PDE3B: variants seen among roughly 807,000 people sequenced by gnomAD.
The protein encoded by PDE3B is cGMP-inhibited 3',5'-cyclic phosphodiesterase 3B.
A neutral mutation model predicts 116.8 loss-of-function variants in PDE3B; 66 were observed. The observed-to-expected ratio is 0.56, with a 90% CI of 0.46 to 0.69. The LOEUF (loss-of-function observed/expected upper bound fraction) is 0.69. Ranked by LOEUF, PDE3B falls within the 30% of genes least tolerant of loss-of-function variation. The pLI is 0.00. For missense variants in PDE3B, 1,384 were observed against 1,368.1 expected, an observed-to-expected ratio of 1.01 and a Z score of -0.18; for synonymous variants, 595 against 533.6, an observed-to-expected ratio of 1.12 and a Z score of -1.59.
chr11:14,801,161 A>G (rs927589671), intron 4 of PDE3B, among the ~76,000 whole-genome samples: 2 of 152,120 alleles, frequency 1.3e-5, no homozygotes, highest in Non-Finnish European at 2.9e-5. Context: ...CTGTCAGTTC[A>G]TCAAACTCAT....
intron 3 of PDE3B, 142 bp from the exon 4 acceptor site, chr11:14,788,964 A>G: frequency 1.9e-6 from 1 of 528,702 alleles, no homozygotes; most frequent in Non-Finnish European, 3.1e-6. Context: ...AAATTGACAG[A>G]TTTTCAGAAT....
intron 1 of PDE3B, among the ~76,000 whole-genome samples, chr11:14,647,874 T>C (rs1397911782): frequency 6.6e-6 from 1 of 151,906 alleles, no homozygotes; most frequent in Admixed American, 6.6e-5. Context: ...TAATTAGATT[T>C]ATAATATTTG....
intron 14 of PDE3B, among the ~76,000 whole-genome samples, chr11:14,864,012 A>G (rs1267477788): frequency 2.6e-5 from 4 of 152,224 alleles, no homozygotes; most frequent in Non-Finnish European, 5.9e-5. Context: ...CAGACTGGCA[A>G]ATTGGATAAA....
Position 14,742,562 on chromosome 11 carries a change from C to A in PDE3B, c.979-29375C>A, listed in dbSNP as rs568918131. 1.3e-4 allele frequency among the ~76,000 whole-genome samples: 20 copies of A among 152,154 alleles called. 1 individual carries two copies. The highest frequency in any genetic ancestry group is 3.4e-3 in the Middle Eastern group (1 of 294). On this transcript the variant is annotated intron_variant, in intron 1 of 15. Transcript: ENST00000282096. ...TTTAGCTCAGAATCGTTTGTTATTA[C>A]CCACCTTCTGAAGCCTACTTCTGTC...
At chr11:14,892,151 A>AGAGCGCGCCGCC in the PDE3B span, 1 of 1,611,136 alleles carries the variant, frequency 6.2e-7, no homozygotes, top group Non-Finnish European at 8.5e-7. Flanking sequence ...AGCAGCAGGA[A>AGAGCGCGCCGCC]GAGCGCGCCG....
chr11:14,644,481 C>G lies in PDE3B; in HGVS notation c.406C>G (p.Leu136Val), dbSNP rs373522381. The G allele has an allele frequency of 1.2e-5, 19 of 1,613,024 alleles. No homozygotes were observed. The African/African-American group carries it at 2.3e-4, about 19-fold the overall frequency. ...TGCCTTCTTCTTCCTCACCTGCTTCCTCACCCGGACCAAGCGGGGACCCGG... is the reference window on the plus strand; with the variant it reads ...TGCCTTCTTCTTCCTCACCTGCTTCGTCACCCGGACCAAGCGGGGACCCGG... ...ACAFFFLTCF[L>V]TRTKRGPGPG... Residue 136 changes from leucine (L) to valine (V), a missense_variant, in exon 1 of 16, where the codon CTC (leucine) becomes GTC (valine). Physicochemically the swap from Leu to Val is conservative, Grantham distance 32. Coordinates refer to ENST00000282096, the MANE Select transcript of PDE3B (RefSeq NM_000922.4).
At chr11:14,819,065 T>G (rs1859427953) in intron 6 of PDE3B, 71 bp from the exon 7 acceptor site, 1 of 882,546 alleles carries the variant, frequency 1.1e-6, no homozygotes, top group Non-Finnish European at 1.8e-6. Context: ...TTAAACAGAT[T>G]TTCTAATTGT....
At chr11:14,799,600 A>G (rs900515536) in intron 4 of PDE3B, among the ~76,000 whole-genome samples, 1 of 152,054 alleles carries the variant, frequency 6.6e-6, no homozygotes, top group African/African-American at 2.4e-5. Context: ...AACTTGCTTT[A>G]TGAATCTCGG....
chr11:14,865,493 GTTAC>G (rs1265180387), intron 14 of PDE3B, among the ~76,000 whole-genome samples: 1 of 152,044 alleles, frequency 6.6e-6, no homozygotes, highest in Non-Finnish European at 1.5e-5. Context: ...GGTATACTTT[GTTAC>G]TTCCAGATTG....
At position 14,730,882 on chromosome 11, in the gene PDE3B, A is replaced by C. The variant is rs140930221; in HGVS notation, c.979-41055A>C. 4.5e-3 allele frequency among the ~76,000 whole-genome samples: 688 copies of C among 152,328 alleles called. 3 individuals carry two copies. The highest frequency in any genetic ancestry group is 0.015 in the African/African-American group (612 of 41,572). ...TCATCATTTGGTATCTAACATTAGCAGTTATTCTCATTTTAGATATGATAA... is the reference window on the plus strand; with the variant it reads ...TCATCATTTGGTATCTAACATTAGCCGTTATTCTCATTTTAGATATGATAA... On this transcript the variant is annotated intron_variant, in intron 1 of 15. Coordinates refer to ENST00000282096, the MANE Select transcript of PDE3B (RefSeq NM_000922.4).
chr11:14,661,406 C>T (rs1313487986), intron 1 of PDE3B, among the ~76,000 whole-genome samples: 1 of 152,234 alleles, frequency 6.6e-6, no homozygotes, highest in African/African-American at 2.4e-5. Flanking sequence ...TTCTGCATTT[C>T]CATCTGAGGT....
intron 1 of PDE3B, among the ~76,000 whole-genome samples, chr11:14,750,659 A>G (rs1362073620): frequency 1.3e-5 from 2 of 152,080 alleles, no homozygotes; most frequent in Non-Finnish European, 2.9e-5. Context: ...ATTAAATTTT[A>G]TGCTTTTAAG....
intron 1 of PDE3B, among the ~76,000 whole-genome samples, chr11:14,667,194 A>G (rs960636903): frequency 3.3e-5 from 5 of 151,726 alleles, no homozygotes; most frequent in Non-Finnish European, 5.9e-5. Flanking sequence ...ACAAAAAACC[A>G]AACACCACAT....
At chr11:14,696,550 A>G (rs1855213606) in intron 1 of PDE3B, among the ~76,000 whole-genome samples, 1 of 152,030 alleles carries the variant, frequency 6.6e-6, no homozygotes, top group Non-Finnish European at 1.5e-5. Context: ...ATGATGCGCG[A>G]GTGCTTCTAT....
At chr11:14,690,324 T>C (rs567711007) in intron 1 of PDE3B, among the ~76,000 whole-genome samples, 1 of 152,354 alleles carries the variant, frequency 6.6e-6, no homozygotes, top group South Asian at 2.1e-4. Flanking sequence ...AGTAGTAGTT[T>C]GTGAACAGTT....
intron 1 of PDE3B, among the ~76,000 whole-genome samples, chr11:14,768,829 A>G (rs948421279): frequency 7.9e-5 from 12 of 151,570 alleles, no homozygotes; most frequent in African/African-American, 9.6e-5. Flanking sequence ...GAATTTCTGT[A>G]TTTATCTTAT....
chr11:14,891,229 G>C, the PDE3B span: 1 of 985,058 alleles, frequency 1.0e-6, no homozygotes, highest in African/African-American at 1.7e-5. Flanking sequence ...AGAATGAGGA[G>C]GAGCGAAGTA....
At chr11:14,818,795 T>G (rs763196314) in intron 6 of PDE3B, among the ~76,000 whole-genome samples, 1 of 152,114 alleles carries the variant, frequency 6.6e-6, no homozygotes, top group African/African-American at 2.4e-5. Context: ...AATGGTATTC[T>G]ACCCATCCTA....
chr11:14,835,088 T>C lies in PDE3B; in HGVS notation c.2313T>C (p.Asn771=). Residue 771 remains asparagine (N), a synonymous_variant, in exon 11 of 16, where the codon AAT becomes AAC. Transcript: ENST00000282096. ...QQIHNGCGTG[N]ETDSDGRINH... ...TCCACAATGGTTGTGGAACAGGAAA[T>C]GAAACAGGTACTTCCTTCTACAAAT... The C allele has an allele frequency of 1.1e-5, 17 of 1,591,482 alleles. No homozygotes were observed. Among genetic ancestry groups the C allele is most frequent in the Non-Finnish European group, 1.5e-5 (17 of 1,162,562 alleles).
Sources: gnomAD v4.1 joint callset for allele counts (sites outside exome capture counted in the v4.1 genomes callset) on GRCh38, gnomAD v4.1.1 for gene constraint, MANE v1.5 for transcripts, NCBI Gene and HGNC (gene_info 2026-07-23, HGNC 2026-07-21) for gene names.